The following AVL9 variants were observed in gnomAD, a reference collection of about 807,000 sequenced individuals.
AVL9 encodes AVL9 cell migration associated, also known as late secretory pathway protein AVL9 homolog.
A neutral mutation model predicts 79.2 loss-of-function variants in AVL9; 49 were observed. The ratio of observed to expected loss-of-function variants is 0.62; its 90% CI spans 0.49 to 0.79. The LOEUF is 0.79. Ranked by LOEUF, AVL9 falls within the 30% of genes least tolerant of loss-of-function variation. The pLI is 0.00. For synonymous variants in AVL9, 299 were observed against 280.6 expected (o/e 1.07, Z -0.65); for missense variants, 682 against 776.8 (o/e 0.88, Z 1.45).
At chr7:32,579,264 C>A (rs1791240771) in intron 13 of AVL9, among the ~76,000 whole-genome samples, 1 of 124,670 alleles carries the variant, frequency 8.0e-6, no homozygotes, top group East Asian at 2.2e-4. Context: ...TGTATAATTG[C>A]AGAATGCCTG....
chr7:32,571,664 C>A (rs1348451975), intron 11 of AVL9, among the ~76,000 whole-genome samples: 1 of 121,376 alleles, frequency 8.2e-6, no homozygotes, highest in Non-Finnish European at 1.7e-5. Context: ...TTATTATAAT[C>A]CCAAATTTGA....
At chr7:32,503,347 T>TATATATAG (rs1554332667) in intron 1 of AVL9, among the ~76,000 whole-genome samples, 8 of 74,296 alleles carry the variant, frequency 1.1e-4, no homozygotes, top group South Asian at 1.2e-3. Context: ...TATATATAGA[T>TATATATAG]ATAGATATAG....
intron 3 of AVL9, among the ~76,000 whole-genome samples, chr7:32,546,884 C>G (rs1292375574): frequency 1.3e-5 from 2 of 152,098 alleles, no homozygotes; most frequent in Non-Finnish European, 2.9e-5. Context: ...GTTTGCCTGA[C>G]AGCTTTGAGC....
At chr7:32,531,294 AGGG>A (rs1360034011) in intron 1 of AVL9, among the ~76,000 whole-genome samples, 1 of 152,002 alleles carries the variant, frequency 6.6e-6, no homozygotes, top group Non-Finnish European at 1.5e-5. Context: ...GCTAATTTAA[AGGG>A]GCTTGCATTC....
At chr7:32,542,982 C>T (rs1170499630) in intron 1 of AVL9, among the ~76,000 whole-genome samples, 159 bp from the exon 2 acceptor site, 1 of 152,170 alleles carries the variant, frequency 6.6e-6, no homozygotes, top group East Asian at 1.9e-4. Context: ...TTTTTTCCCC[C>T]TCTTCCATGC....
intron 11 of AVL9, 42 bp downstream of exon 11, chr7:32,570,196 C>T (rs763493958): frequency 6.2e-7 from 1 of 1,608,796 alleles, no homozygotes; most frequent in South Asian, 1.1e-5. Flanking sequence ...CCTGCTCATC[C>T]CAGTTTTCCT....
intron 10 of AVL9, among the ~76,000 whole-genome samples, chr7:32,562,331 ATAAC>A (rs1289294795): frequency 6.6e-6 from 1 of 152,248 alleles, no homozygotes; most frequent in Admixed American, 6.5e-5. Flanking sequence ...GAGGTAAGTT[ATAAC>A]TAACAAATAC....
intron 11 of AVL9, among the ~76,000 whole-genome samples, chr7:32,570,535 A>T (rs1790783865): frequency 6.6e-6 from 1 of 152,214 alleles, no homozygotes; most frequent in Non-Finnish European, 1.5e-5. Context: ...AATGCTCTTG[A>T]TACCAAGACG....
At chr7:32,553,930 T>C (rs2128139424) in intron 7 of AVL9, among the ~76,000 whole-genome samples, 163 bp downstream of exon 7, 1 of 152,296 alleles carries the variant, frequency 6.6e-6, no homozygotes, top group South Asian at 2.1e-4. Context: ...CTTATAACTA[T>C]ACAAAATTAA....
At chr7:32,583,003 AC>A (rs1478194976) in intron 15 of AVL9, among the ~76,000 whole-genome samples, 1 of 152,174 alleles carries the variant, frequency 6.6e-6, no homozygotes, top group Non-Finnish European at 1.5e-5. Context: ...CTTTTGAGAT[AC>A]TGTTCTATAA....
chr7:32,506,746 TAA>T (rs35935504), intron 1 of AVL9, among the ~76,000 whole-genome samples: 4 of 144,678 alleles, frequency 2.8e-5, no homozygotes, highest in South Asian at 2.2e-4. Flanking sequence ...TGTCTCTATT[TAA>T]AAAAAAAAAA....
At chr7:32,518,856 C>T (rs1788016956) in intron 1 of AVL9, among the ~76,000 whole-genome samples, 1 of 152,140 alleles carries the variant, frequency 6.6e-6, no homozygotes, top group African/African-American at 2.4e-5. Context: ...ATTAAAAATA[C>T]ACTCAATAAT....
At chr7:32,504,008 C>T (rs751941066) in intron 1 of AVL9, among the ~76,000 whole-genome samples, 5 of 152,318 alleles carry the variant, frequency 3.3e-5, no homozygotes, top group Admixed American at 6.5e-5. Context: ...ATGAAACCCA[C>T]GTCTGCCCCG....
In AVL9 at chr7:32,550,768, G is replaced by A. The variant is rs151026564; in HGVS notation, c.373-566G>A. On this transcript the variant is annotated intron_variant, in intron 4 of 15. Transcript: ENST00000318709. ...TTATGATAAAGGACACAAACTAGTT[G>A]TTGTGAGCCTCCACAGAGGACAAAA... Among the ~76,000 whole-genome samples the A allele has an allele frequency of 2.6e-3, 398 of 152,288 alleles. 7 individuals are homozygous for A. The highest frequency in any genetic ancestry group is 0.018 in the Admixed American group (279 of 15,284).
intron 1 of AVL9, among the ~76,000 whole-genome samples, chr7:32,510,982 G>T (rs1217562927): frequency 7.0e-6 from 1 of 142,174 alleles, no homozygotes; most frequent in Non-Finnish European, 1.6e-5. Flanking sequence ...CACAATCCTG[G>T]CACTTCTGAA....
At chr7:32,500,117 G>A (rs1787052392) in intron 1 of AVL9, among the ~76,000 whole-genome samples, 1 of 152,140 alleles carries the variant, frequency 6.6e-6, no homozygotes, top group African/African-American at 2.4e-5. Flanking sequence ...CCCAGTAGTG[G>A]GGTTGCTGGG....
chr7:32,509,496 C>T (rs1787560979), intron 1 of AVL9, among the ~76,000 whole-genome samples: 1 of 152,170 alleles, frequency 6.6e-6, no homozygotes, highest in Admixed American at 6.5e-5. Context: ...TCTCTGTCAT[C>T]AGTCCTATAG....
intron 10 of AVL9, among the ~76,000 whole-genome samples, chr7:32,561,454 G>C (rs1421937088): frequency 2.0e-5 from 3 of 151,652 alleles, no homozygotes; most frequent in African/African-American, 4.9e-5. Flanking sequence ...TCATACTTCT[G>C]CATCTTCTCA....
At chr7:32,501,382 C>A (rs1787119535) in intron 1 of AVL9, among the ~76,000 whole-genome samples, 1 of 152,154 alleles carries the variant, frequency 6.6e-6, no homozygotes, top group Non-Finnish European at 1.5e-5. Flanking sequence ...GAAGAATAAC[C>A]TTTTAAGATT....
Sources: gnomAD v4.1 joint callset for allele counts (sites outside exome capture counted in the v4.1 genomes callset) on GRCh38, gnomAD v4.1.1 for gene constraint, MANE v1.5 for transcripts, NCBI Gene and HGNC (gene_info 2026-07-23, HGNC 2026-07-21) for gene names.